LCORL: variants seen among roughly 807,000 people sequenced by gnomAD.
LCORL encodes the protein ligand dependent nuclear receptor corepressor like, also known as ligand-dependent nuclear receptor corepressor-like protein.
Under a neutral mutation model 141.8 loss-of-function variants are expected in LCORL, and 41 were observed. The ratio of observed to expected loss-of-function variants is 0.29; its 90% CI spans 0.23 to 0.38. LCORL has a LOEUF of 0.38. LCORL is among the 10% of genes least tolerant of loss of function. The pLI, the probability that LCORL is intolerant of heterozygous loss-of-function variation, is 1.00. For synonymous variants in LCORL, 618 were observed against 694.1 expected, an observed-to-expected ratio of 0.89 and a Z score of 1.72; for missense variants, 1,759 against 2,035.0, an observed-to-expected ratio of 0.86 and a Z score of 2.61.
intron 7 of LCORL, among the ~76,000 whole-genome samples, chr4:17,863,856 G>A (rs1725298822): frequency 6.6e-6 from 1 of 152,180 alleles, no homozygotes; most frequent in Admixed American, 6.5e-5. Flanking sequence ...AACATGGATG[G>A]AGCTGGAGCC....
chr4:17,949,791 G>T, intron 4 of LCORL, among the ~76,000 whole-genome samples: 1 of 152,230 alleles, frequency 6.6e-6, no homozygotes, highest in African/African-American at 2.4e-5. Flanking sequence ...TTCAGTAAAA[G>T]AGTTGAGTTT....
exon 8 of LCORL, chr4:17,842,648 T>A: frequency 3.2e-6 from 1 of 317,340 alleles, no homozygotes; most frequent in Non-Finnish European, 5.9e-6. Flanking sequence ...ATGTGACTCC[T>A]CTTTGATCTT....
chr4:18,021,805 CAGGGGCGCG>C lies in LCORL; in HGVS notation c.-63_-55del. The C allele has an allele frequency of 7.1e-7, 1 of 1,417,276 alleles. No homozygotes were observed. The highest frequency in any genetic ancestry group is 9.1e-7 in the Non-Finnish European group (1 of 1,093,998). The allele number at this position is 1,417,276 out of a possible 1,614,324, so 87.8% of individuals were successfully genotyped here. A position where few individuals can be genotyped will look rare whatever the true frequency, so the allele number is the denominator to read the frequency against. On this transcript the variant is annotated 5_prime_UTR_variant, in exon 1 of 8. Transcript: ENST00000635767. This position sits in a 1 kb window ranked among gnomAD's most constrained non-coding sequence, Gnocchi z 5.5. ...ACATACGAGCAGCGCAGGCACGAGGCAGGGGCGCGAGCCCTCGGCGCGAGCCCCGGAGCG... is the reference window on the plus strand; with the variant it reads ...ACATACGAGCAGCGCAGGCACGAGGCAGCCCTCGGCGCGAGCCCCGGAGCG...
exon 7 of LCORL, chr4:17,873,472 T>C: frequency 8.1e-7 from 1 of 1,233,814 alleles, no homozygotes; most frequent in Non-Finnish European, 1.0e-6. Context: ...TCTGTGATCT[T>C]CCATGGTGGT....
chr4:17,850,821 A>G (rs1412860133), intron 7 of LCORL, among the ~76,000 whole-genome samples: 1 of 151,932 alleles, frequency 6.6e-6, no homozygotes, highest in East Asian at 1.9e-4. Context: ...ATAAAGACAC[A>G]TGCACACGTA....
chr4:18,021,721 C>G lies in LCORL; in HGVS notation c.31G>C (p.Ala11Pro), dbSNP rs1314757441. 2 of 1,526,270 alleles carry G rather than the reference C, an allele frequency of 1.3e-6. No individual in the cohort carries two copies. Among genetic ancestry groups the G allele is most frequent in the Non-Finnish European group, 1.8e-6 (2 of 1,137,266 alleles). The allele number at this position is 1,526,270 out of a possible 1,614,324, so 94.5% of individuals were successfully genotyped here. The change falls in exon 1 of 8, where the codon GCC (alanine) becomes CCC (proline). Residue 11 changes from alanine to proline, a missense_variant. By Grantham distance (27) the Ala-to-Pro change is conservative (BLOSUM62 -1). Coordinates refer to ENST00000635767, the Ensembl canonical transcript of LCORL. This position sits in a 1 kb window ranked among gnomAD's most constrained non-coding sequence, Gnocchi z 5.5. ...GCGGCGGCGGCAGCAGCGGCGGCGG[C>G]AGCGGCCATTCTCTCTCTTCCCTTG... is the stretch of plus-strand genomic sequence containing the variant.
In LCORL at chr4:17,909,260, G is replaced by A. The variant is rs757596191; in HGVS notation, c.516C>T (p.Tyr172=). The change falls in exon 5 of 8, where the codon TAC becomes TAT. Residue 172 remains tyrosine (Y), a synonymous_variant. Coordinates refer to ENST00000635767, the Ensembl canonical transcript of LCORL. ...CTTGAGTTTTACCACTTTTTGAAAT[G>A]TACTCAATCGCAAATTGACGTATCA... The A allele has an allele frequency of 5.6e-6, 9 of 1,612,508 alleles. No homozygotes were observed. The East Asian group carries it at 1.6e-4, about 28-fold the overall frequency.
exon 5 of LCORL, chr4:17,909,323 A>G (rs776243604): frequency 5.6e-6 from 9 of 1,608,630 alleles, no homozygotes; most frequent in Non-Finnish European, 7.7e-6. Context: ...GGGGAATGTT[A>G]GGATCACAGT....
At chr4:17,967,806 C>T (rs948442946) in intron 2 of LCORL, among the ~76,000 whole-genome samples, 4 of 152,018 alleles carry the variant, frequency 2.6e-5, no homozygotes, top group African/African-American at 9.7e-5. Context: ...CAAAGGTAAT[C>T]GCAGTTTCTG....
At chr4:17,905,650 T>G (rs1731491137) in intron 5 of LCORL, among the ~76,000 whole-genome samples, 1 of 152,092 alleles carries the variant, frequency 6.6e-6, no homozygotes. Context: ...CATGGAGAAT[T>G]TCATAAACTT....
chr4:17,875,064 G>A (rs925118984), exon 7 of LCORL: 33 of 1,233,520 alleles, frequency 2.7e-5, no homozygotes, highest in South Asian at 1.2e-4. Flanking sequence ...ATCAGCTTCA[G>A]TGTGCCTTAT....
At chr4:18,005,077 C>T (rs1722577653) in intron 1 of LCORL, among the ~76,000 whole-genome samples, 4 of 152,058 alleles carry the variant, frequency 2.6e-5, no homozygotes, top group Admixed American at 2.6e-4. Flanking sequence ...GCCACCACAC[C>T]CAGCTAATTT....
At chr4:17,974,515 C>T (rs1716564800) in intron 1 of LCORL, among the ~76,000 whole-genome samples, 1 of 152,098 alleles carries the variant, frequency 6.6e-6, no homozygotes, top group Non-Finnish European at 1.5e-5. Flanking sequence ...AAGACAGAAA[C>T]TATTTCCATC....
intron 4 of LCORL, among the ~76,000 whole-genome samples, chr4:17,946,684 A>C (rs938286349): frequency 2.6e-5 from 4 of 152,012 alleles, no homozygotes; most frequent in Admixed American, 2.6e-4. Context: ...TGGTAGAGTC[A>C]AAATTATCCT....
chr4:18,012,006 G>C (rs911851517), intron 1 of LCORL, among the ~76,000 whole-genome samples: 5 of 152,162 alleles, frequency 3.3e-5, no homozygotes, highest in Non-Finnish European at 7.3e-5. Context: ...TCCTACTCCT[G>C]TGTAAACAGT....
Position 17,884,750 on chromosome 4 carries a change from C to G in LCORL, c.776+1318G>C. 9 of 1,440,272 alleles carry G rather than the reference C, an allele frequency of 6.2e-6. No individual in the cohort carries two copies. Among genetic ancestry groups the G allele is most frequent in the Non-Finnish European group, 8.3e-6 (9 of 1,090,138 alleles). 89.2% of individuals were successfully genotyped at this position (1,440,272 alleles called of 1,614,324 possible). On this transcript the variant is annotated intron_variant, in intron 6 of 7. Coordinates refer to ENST00000635767, the Ensembl canonical transcript of LCORL. This position sits in a 1 kb window ranked among gnomAD's most constrained non-coding sequence, Gnocchi z 4.4. Reference sequence around the variant, plus strand: ...ATAGTCCTCTCTGTTTCTGTGTAGTCTCCTGGATGGATGGAATGAAACGAT... The same window carrying G: ...ATAGTCCTCTCTGTTTCTGTGTAGTGTCCTGGATGGATGGAATGAAACGAT...
intron 1 of LCORL, among the ~76,000 whole-genome samples, chr4:17,990,870 C>T (rs1211155570): frequency 6.6e-6 from 1 of 151,984 alleles, no homozygotes; most frequent in Non-Finnish European, 1.5e-5. Flanking sequence ...TTAGCACACT[C>T]ATGCCATACT....
At chr4:17,922,288 A>C (rs1172061628) in intron 4 of LCORL, among the ~76,000 whole-genome samples, 1 of 152,178 alleles carries the variant, frequency 6.6e-6, no homozygotes, top group Non-Finnish European at 1.5e-5. Flanking sequence ...ATTAGACCCA[A>C]AAATGTTAAG....
At chr4:17,942,364 T>C (rs1463035983) in intron 4 of LCORL, among the ~76,000 whole-genome samples, 4 of 152,048 alleles carry the variant, frequency 2.6e-5, no homozygotes, top group Non-Finnish European at 1.5e-5. Flanking sequence ...AAAGGTAAAC[T>C]GAGGAATTAG....
Sources: gnomAD v4.1 joint callset for allele counts (sites outside exome capture counted in the v4.1 genomes callset) on GRCh38, gnomAD v4.1.1 for gene constraint, Gnocchi (gnomAD v3.1) non-coding constraint, MANE v1.5 for transcripts, NCBI Gene and HGNC (gene_info 2026-07-23, HGNC 2026-07-21) for gene names.